The following AUTS2 variants were observed in gnomAD, a reference collection of about 807,000 sequenced individuals.
AUTS2 encodes the protein activator of transcription and developmental regulator AUTS2, also known as autism susceptibility gene 2 protein.
AUTS2 carries 17 observed loss-of-function variants against 112.4 expected under a neutral mutation model. That is an observed-to-expected ratio of 0.15 (90% CI 0.10 to 0.23). The LOEUF (loss-of-function observed/expected upper bound fraction) is 0.23, where lower values mean the gene tolerates loss of function less well. Ranked by LOEUF, AUTS2 falls within the 10% of genes least tolerant of loss-of-function variation. The pLI is 1.00. For missense variants in AUTS2, 1,510 were observed against 1,701.6 expected, an observed-to-expected ratio of 0.89 and a Z score of 1.98; for synonymous variants, 751 against 702.7, an observed-to-expected ratio of 1.07 and a Z score of -1.09.
intron 4 of AUTS2, among the ~76,000 whole-genome samples, chr7:70,314,506 A>G (rs1044355877): frequency 1.3e-5 from 2 of 152,230 alleles, no homozygotes; most frequent in Non-Finnish European, 2.9e-5. Flanking sequence ...TCAGCTTTCT[A>G]CACCAGTTGC....
intron 1 of AUTS2, among the ~76,000 whole-genome samples, chr7:69,652,099 G>A (rs184992627): frequency 1.1e-4 from 16 of 152,210 alleles, no homozygotes; most frequent in Middle Eastern, 3.4e-3. Flanking sequence ...CCTTCATAGC[G>A]TCCTTAAATC....
rs943276888 is a variant in AUTS2 at position 69,958,582 on chromosome 7, A to C, written c.522+59084A>C. ...ACAAACCATGTAGTGTAAGGAGGAGACAAAGGGCTAGGAGTCCAGAGACTG... is the reference window on the plus strand; with the variant it reads ...ACAAACCATGTAGTGTAAGGAGGAGCCAAAGGGCTAGGAGTCCAGAGACTG... On this transcript the variant is annotated intron_variant, in intron 2 of 18. Coordinates refer to ENST00000342771, the MANE Select transcript of AUTS2 (RefSeq NM_015570.4). Among the ~76,000 whole-genome samples, 20 of 152,132 alleles carry C rather than the reference A, an allele frequency of 1.3e-4. 1 individual carries two copies. The highest frequency in any genetic ancestry group is 4.8e-4 in the African/African-American group (20 of 41,444).
chr7:70,056,582 G>A (rs73160123), intron 2 of AUTS2, among the ~76,000 whole-genome samples: 5,883 of 152,292 alleles, frequency 0.039, 154 homozygotes, highest in Middle Eastern at 0.085. Context: ...TTAGAAGAAT[G>A]TTAGTGCAGA....
At chr7:70,781,891 A>G in intron 15 of AUTS2, 135 bp downstream of exon 15, 2 of 1,066,250 alleles carry the variant, frequency 1.9e-6, no homozygotes, top group South Asian at 1.6e-5. Context: ...TTGCAAGGCA[A>G]CATCGCAGCA....
intron 6 of AUTS2, chr7:70,699,210 T>C (rs1404767244): frequency 6.6e-6 from 1 of 151,906 alleles, no homozygotes; most frequent in East Asian, 1.9e-4. Flanking sequence ...AGTAGGTTTC[T>C]GCGCAGCTTT....
intron 1 of AUTS2, 114 bp downstream of exon 1, chr7:69,600,076 G>GTCTA: frequency 8.3e-7 from 1 of 1,197,868 alleles, no homozygotes; most frequent in Non-Finnish European, 1.2e-6. Context: ...CTGTCTGTCT[G>GTCTA]TCTGTCTGTC....
At chr7:70,494,588 C>T (rs1798375806) in intron 5 of AUTS2, among the ~76,000 whole-genome samples, 1 of 151,782 alleles carries the variant, frequency 6.6e-6, no homozygotes, top group Non-Finnish European at 1.5e-5. Flanking sequence ...CCCCCCGACA[C>T]TCAGATCCCT....
chr7:70,139,769 C>T (rs1052288560), intron 4 of AUTS2, among the ~76,000 whole-genome samples: 5 of 152,138 alleles, frequency 3.3e-5, no homozygotes, highest in East Asian at 3.9e-4. Flanking sequence ...GAGACTGAGG[C>T]GGGTGGATCA....
intron 4 of AUTS2, among the ~76,000 whole-genome samples, chr7:70,143,514 G>C (rs1806969805): frequency 6.6e-6 from 1 of 152,160 alleles, no homozygotes; most frequent in Admixed American, 6.5e-5. Context: ...TGCTTAGTAG[G>C]CTAATGAATG....
intron 2 of AUTS2, among the ~76,000 whole-genome samples, chr7:69,949,181 A>C (rs1796933706): frequency 6.6e-6 from 1 of 152,194 alleles, no homozygotes; most frequent in Admixed American, 6.5e-5. Flanking sequence ...TCATAAACCC[A>C]AGTGATGAAC....
intron 5 of AUTS2, among the ~76,000 whole-genome samples, chr7:70,594,486 G>A (rs1190649844): frequency 6.6e-6 from 1 of 152,182 alleles, no homozygotes; most frequent in Non-Finnish European, 1.5e-5. Flanking sequence ...GCTCAGGAAA[G>A]TGACAGGATG....
At chr7:69,762,205 A>C (rs1788214047) in intron 1 of AUTS2, among the ~76,000 whole-genome samples, 1 of 151,150 alleles carries the variant, frequency 6.6e-6, no homozygotes. Context: ...TAACATAATG[A>C]CATTGGGCTG....
At chr7:69,813,898 G>C (rs1291864340) in intron 1 of AUTS2, among the ~76,000 whole-genome samples, 1 of 152,132 alleles carries the variant, frequency 6.6e-6, no homozygotes, top group Non-Finnish European at 1.5e-5. Context: ...CAGGGATTTT[G>C]GTAAACAGAA....
chr7:69,815,203 T>C (rs1278046611), intron 1 of AUTS2, among the ~76,000 whole-genome samples: 2 of 152,192 alleles, frequency 1.3e-5, no homozygotes, highest in African/African-American at 4.8e-5. Context: ...AAAATGGATA[T>C]ATTTTCTGAA....
At chr7:69,983,148 A>G (rs1798365051) in intron 2 of AUTS2, among the ~76,000 whole-genome samples, 1 of 152,224 alleles carries the variant, frequency 6.6e-6, no homozygotes, top group Non-Finnish European at 1.5e-5. Context: ...GAACATTGAC[A>G]TGAATTTTAA....
At chr7:69,928,380 C>A (rs370835532) in intron 2 of AUTS2, among the ~76,000 whole-genome samples, 1 of 152,168 alleles carries the variant, frequency 6.6e-6, no homozygotes, top group Admixed American at 6.5e-5. Context: ...GATTTCACTG[C>A]GGACCCACCC....
intron 1 of AUTS2, among the ~76,000 whole-genome samples, chr7:69,877,530 A>G (rs185014877): frequency 1.2e-4 from 19 of 152,240 alleles, no homozygotes; most frequent in Admixed American, 7.8e-4. Flanking sequence ...ATACTGGGTG[A>G]TGCTGAGGCT....
intron 1 of AUTS2, among the ~76,000 whole-genome samples, chr7:69,685,283 A>G (rs573432229): frequency 4.6e-5 from 7 of 152,172 alleles, no homozygotes; most frequent in Admixed American, 3.9e-4. Context: ...CTTTTTCTCT[A>G]TCTAAAGCCT....
Position 70,298,082 on chromosome 7 carries a change from A to C in AUTS2, c.661-137670A>C, listed in dbSNP as rs576683027. ...AATCTCACTTTTTTGCTGAGGCTGG[A>C]GTGCAGTGGCACTGTGTCAGCTCAC... is the stretch of plus-strand genomic sequence containing the variant. On this transcript the variant is annotated intron_variant, in intron 4 of 18. Coordinates refer to ENST00000342771, the MANE Select transcript of AUTS2 (RefSeq NM_015570.4). Among the ~76,000 whole-genome samples the C allele has an allele frequency of 2.0e-5, 3 of 151,726 alleles. No homozygotes were observed. In the East Asian group the frequency reaches 5.9e-4, roughly 30 times the overall value.
Sources: gnomAD v4.1 joint callset for allele counts (sites outside exome capture counted in the v4.1 genomes callset) on GRCh38, gnomAD v4.1.1 for gene constraint, MANE v1.5 for transcripts, NCBI Gene and HGNC (gene_info 2026-07-23, HGNC 2026-07-21) for gene names.